Variants in VWF observed in about 807,000 individuals in gnomAD.
The protein encoded by VWF is von Willebrand factor.
Under a neutral mutation model 308.6 loss-of-function variants are expected in VWF, and 176 were observed. The observed-to-expected ratio is 0.57, with a 90% CI of 0.50 to 0.65. The LOEUF is 0.65. Ranked by LOEUF, VWF falls within the 30% of genes least tolerant of loss-of-function variation. The pLI is 0.00. For missense variants in VWF, 3,146 were observed against 3,648.2 expected (o/e 0.86, Z 3.55); for synonymous variants, 1,385 against 1,443.4 (o/e 0.96, Z 0.92).
At chr12:6,089,197 G>A (rs1021240868) in intron 6 of VWF, among the ~76,000 whole-genome samples, 11 of 152,204 alleles carry the variant, frequency 7.2e-5, no homozygotes, top group Non-Finnish European at 1.3e-4. Context: ...AATTCAAAAG[G>A]CCATATTAAT....
At chr12:5,949,655 A>T in intron 51 of VWF, 131 bp downstream of exon 51, 1 of 979,618 alleles carries the variant, frequency 1.0e-6, no homozygotes, top group Non-Finnish European at 1.6e-6. Context: ...TTAAAAAAAA[A>T]TGCTTCCAGT....
chr12:6,119,235 C>G (rs1945403991), intron 3 of VWF, among the ~76,000 whole-genome samples: 1 of 152,228 alleles, frequency 6.6e-6, no homozygotes, highest in Admixed American at 6.5e-5. Context: ...CCCGCACCCT[C>G]AAAGTCTGGT....
chr12:5,949,006 G>T lies in VWF; in HGVS notation c.*9C>A, dbSNP rs779918842. On this transcript the variant is annotated 3_prime_UTR_variant, in exon 52 of 52. Coordinates refer to ENST00000261405, the MANE Select transcript of VWF (RefSeq NM_000552.5). ...GGCAGCAGCAGGCACCCATGCAGCT[G>T]CAGCAGCCTCACTTGCTGCACTTCC... The T allele has an allele frequency of 3.7e-6, 6 of 1,610,282 alleles. No individual in the cohort carries two copies. Among genetic ancestry groups the T allele is most frequent in the Non-Finnish European group, 5.1e-6 (6 of 1,178,566 alleles).
chr12:5,983,735 T>C (rs111211677), intron 40 of VWF, among the ~76,000 whole-genome samples: 88 of 150,722 alleles, frequency 5.8e-4, no homozygotes, highest in Middle Eastern at 3.6e-3. Context: ...ACAGGTTAGA[T>C]AGATTAGACA....
chr12:5,960,274 G>A (rs575213464), intron 47 of VWF, among the ~76,000 whole-genome samples: 17 of 151,766 alleles, frequency 1.1e-4, no homozygotes, highest in Admixed American at 2.0e-4. Flanking sequence ...TTAAATACAC[G>A]GATAAGTTCC....
chr12:5,996,417 T>C (rs1943809481), intron 34 of VWF, among the ~76,000 whole-genome samples, 195 bp from the exon 35 acceptor site: 2 of 151,994 alleles, frequency 1.3e-5, no homozygotes, highest in South Asian at 4.1e-4. Context: ...GGTAGAGAGG[T>C]TTAGGTAAGT....
intron 44 of VWF, among the ~76,000 whole-genome samples, chr12:5,969,846 C>T (rs1943450416): frequency 6.6e-6 from 1 of 152,162 alleles, no homozygotes; most frequent in South Asian, 2.1e-4. Flanking sequence ...TGCAATCTGT[C>T]CACGAAGACT....
rs1229452874 is a variant in VWF, at chr12:5,971,663, AG to A, written c.7483del (p.Leu2495CysfsTer8). 1.3e-5 allele frequency: 21 copies of A among 1,614,116 alleles called. No homozygotes were observed. The highest frequency in any genetic ancestry group is 1.7e-6 in the Non-Finnish European group (2 of 1,180,050). On this transcript the variant is annotated frameshift_variant, in exon 44 of 52. Coordinates refer to ENST00000261405, the MANE Select transcript of VWF (RefSeq NM_000552.5). LOFTEE classifies it high-confidence loss of function. ...LHEGECCGRC[L>X]PSACEVVTGS... Reference sequence around the variant, plus strand: ...AGTCACCACCTCACAGGCAGATGGCAGGCACCTTCCACAGCACTCGCCTTCA... The same window carrying A: ...AGTCACCACCTCACAGGCAGATGGCAGCACCTTCCACAGCACTCGCCTTCA...
intron 6 of VWF, among the ~76,000 whole-genome samples, chr12:6,085,596 T>C (rs2136486216): frequency 6.6e-6 from 1 of 152,028 alleles, no homozygotes; most frequent in East Asian, 1.9e-4. Context: ...AATGCTTGGG[T>C]GCTAGGTCCT....
At chr12:6,123,806 A>C (rs987534672) in intron 1 of VWF, among the ~76,000 whole-genome samples, 2 of 152,190 alleles carry the variant, frequency 1.3e-5, no homozygotes, top group African/African-American at 2.4e-5. Flanking sequence ...AATGGACAGG[A>C]GTCCAGCGGC....
At chr12:6,117,337 A>G (rs1945378953) in intron 3 of VWF, among the ~76,000 whole-genome samples, 1 of 152,190 alleles carries the variant, frequency 6.6e-6, no homozygotes, top group African/African-American at 2.4e-5. Context: ...GTGGCCCGAG[A>G]GGCCAGACCT....
At chr12:5,955,452 G>T (rs917351995) in intron 47 of VWF, among the ~76,000 whole-genome samples, 3 of 151,442 alleles carry the variant, frequency 2.0e-5, no homozygotes, top group African/African-American at 7.3e-5. Context: ...CCATCTATGA[G>T]TGAGAACATG....
At chr12:6,021,455 G>A (rs1375631860) in intron 27 of VWF, 1 of 174,450 alleles carries the variant, frequency 5.7e-6, no homozygotes, top group African/African-American at 2.4e-5. Flanking sequence ...CTGCCACCTT[G>A]ACTATGGCCC....
chr12:6,023,873 T>G, intron 24 of VWF, 86 bp from the exon 25 acceptor site: 1 of 1,502,954 alleles, frequency 6.7e-7, no homozygotes, highest in Non-Finnish European at 9.1e-7. Context: ...GTTCTGATGG[T>G]CAATTTAAGG....
intron 5 of VWF, among the ~76,000 whole-genome samples, chr12:6,109,779 T>C (rs1945285209): frequency 2.0e-5 from 3 of 152,142 alleles, no homozygotes. Context: ...GCCTCCCAAG[T>C]AGCTGGAACT....
chr12:6,121,070 T>A, intron 3 of VWF, 104 bp downstream of exon 3: 1 of 1,512,268 alleles, frequency 6.6e-7, no homozygotes, highest in Non-Finnish European at 9.1e-7. Flanking sequence ...AGCAGTGACC[T>A]TTCCGCTCAG....
intron 10 of VWF, 129 bp downstream of exon 10, chr12:6,071,168 G>T: frequency 1.9e-6 from 2 of 1,078,692 alleles, no homozygotes; most frequent in Non-Finnish European, 2.8e-6. Context: ...TCACGTGGTT[G>T]CAGCCAACCT....
chr12:5,968,342 A>G, intron 45 of VWF, 175 bp from the exon 46 acceptor site: 1 of 674,468 alleles, frequency 1.5e-6, no homozygotes, highest in Middle Eastern at 4.1e-4. Flanking sequence ...TGGAGCCCAC[A>G]GCGGCCTCCC....
rs781770261 is a variant in VWF at position 6,016,600 on chromosome 12, C to T, written c.5227G>A (p.Val1743Met). Residue 1743 changes from valine to methionine, a missense_variant, in exon 30 of 52, where the codon GTG becomes ATG. Coordinates refer to ENST00000261405, the MANE Select transcript of VWF (RefSeq NM_000552.5). ...TTCTCCGGGACCACGTTCCATGGCA[C>T]GTCAATGGTGGTGATGCTTCCATAC... ...LQYGSITTID[V>M]PWNVVPEKAH... is the part of the protein sequence containing the mutation. The T allele has an allele frequency of 1.2e-5, 20 of 1,614,046 alleles. No individual in the cohort carries two copies. The Admixed American group carries it at 2.0e-4, about 16-fold the overall frequency.
Sources: gnomAD v4.1 joint callset for allele counts (sites outside exome capture counted in the v4.1 genomes callset) on GRCh38, gnomAD v4.1.1 for gene constraint, MANE v1.5 for transcripts, NCBI Gene and HGNC (gene_info 2026-07-23, HGNC 2026-07-21) for gene names.